Variants in PRUNE2 observed in about 807,000 individuals in gnomAD.
PRUNE2 encodes prune homolog 2 with BCH domain.
Under a neutral mutation model 252.0 loss-of-function variants are expected in PRUNE2, and 164 were observed. The observed-to-expected ratio is 0.65, with a 90% CI of 0.57 to 0.74. The LOEUF (loss-of-function observed/expected upper bound fraction) is 0.74, where lower values mean the gene tolerates loss of function less well. Ranked by LOEUF, PRUNE2 falls within the 30% of genes least tolerant of loss-of-function variation. The probability of loss-of-function intolerance (pLI) is 0.00; values close to 1 mark genes in which losing one functional copy is unlikely to be tolerated. For missense variants in PRUNE2, 3,495 were observed against 3,711.0 expected (o/e 0.94, Z 1.51); for synonymous variants, 1,292 against 1,350.2 (o/e 0.96, Z 0.94).
At chr9:76,867,079 T>C (rs2060886651) in intron 1 of PRUNE2, among the ~76,000 whole-genome samples, 1 of 152,158 alleles carries the variant, frequency 6.6e-6, no homozygotes, top group African/African-American at 2.4e-5. Context: ...TCTGAGTTCC[T>C]GGGCAGCTAT....
intron 1 of PRUNE2, among the ~76,000 whole-genome samples, chr9:76,890,012 G>A (rs2062370149): frequency 6.6e-6 from 1 of 152,182 alleles, no homozygotes; most frequent in Admixed American, 6.5e-5. Flanking sequence ...GAGCGCTGCC[G>A]GAATGACCAC....
At chr9:76,658,879 G>C (rs1158814939) in intron 9 of PRUNE2, among the ~76,000 whole-genome samples, 1 of 152,260 alleles carries the variant, frequency 6.6e-6, no homozygotes, top group African/African-American at 2.4e-5. Flanking sequence ...TCTTCACCAA[G>C]TATTTCTGGC....
intron 9 of PRUNE2, among the ~76,000 whole-genome samples, chr9:76,682,839 A>T (rs1219294326): frequency 4.2e-5 from 4 of 95,512 alleles, no homozygotes; most frequent in African/African-American, 1.0e-4. Flanking sequence ...AAATATTCAA[A>T]TTTTTCTTTT....
chr9:76,729,682 T>A (rs1348862499), intron 6 of PRUNE2, among the ~76,000 whole-genome samples: 1 of 152,150 alleles, frequency 6.6e-6, no homozygotes, highest in Non-Finnish European at 1.5e-5. Context: ...AATAAAACGA[T>A]CTTATTTGAA....
Position 76,708,313 on chromosome 9 carries a change from C to T in PRUNE2, c.3961G>A (p.Asp1321Asn), listed in dbSNP as rs376053448. The change falls in exon 8 of 19, where the codon GAT becomes AAT. Residue 1321 changes from aspartate to asparagine, a missense_variant. Asp to Asn is a conservative substitution (Grantham distance 23, BLOSUM62 1). Transcript: ENST00000376718. The part of the protein sequence containing the change: ...PHPDPWKGHG[D>N]GQSESEKEAQ... ...TCCTTCTCACTTTCACTTTGTCCAT[C>T]GCCATGACCTTTCCATGGATCTGGG... is the stretch of plus-strand genomic sequence containing the variant. 3.9e-5 allele frequency: 63 copies of T among 1,613,664 alleles called. No homozygotes were observed. Among genetic ancestry groups the T allele is most frequent in the Non-Finnish European group, 4.8e-5 (57 of 1,179,890 alleles).
intron 6 of PRUNE2, among the ~76,000 whole-genome samples, chr9:76,774,687 G>A (rs1054546103): frequency 9.2e-5 from 14 of 151,918 alleles, no homozygotes; most frequent in African/African-American, 1.7e-4. Context: ...TCGAATTCCC[G>A]ACCTCAGGTG....
intron 18 of PRUNE2, among the ~76,000 whole-genome samples, chr9:76,615,864 G>C (rs1829344781): frequency 7.2e-6 from 1 of 139,550 alleles, no homozygotes; most frequent in Admixed American, 8.0e-5. Context: ...CCGTCTCCTA[G>C]ATTCAAGCGA....
intron 1 of PRUNE2, among the ~76,000 whole-genome samples, chr9:76,895,645 C>T (rs1014344215): frequency 1.3e-5 from 2 of 152,146 alleles, no homozygotes; most frequent in African/African-American, 4.8e-5. Context: ...TCTTTAGGGT[C>T]ATTACTATGA....
At chr9:76,767,056 A>G (rs548070348) in intron 6 of PRUNE2, among the ~76,000 whole-genome samples, 1 of 152,288 alleles carries the variant, frequency 6.6e-6, no homozygotes, top group Non-Finnish European at 1.5e-5. Context: ...ATTCTGGTAT[A>G]GCGTCTCCAA....
chr9:76,615,301 C>CAACT, intron 18 of PRUNE2: 1 of 910,022 alleles, frequency 1.1e-6, no homozygotes, highest in Non-Finnish European at 1.3e-6. Flanking sequence ...ATTTCAGTTG[C>CAACT]GATAAAAGAG....
intron 18 of PRUNE2, 66 bp from the exon 19 acceptor site, chr9:76,614,666 G>C: frequency 8.2e-7 from 1 of 1,225,354 alleles, no homozygotes. Flanking sequence ...GTAATGATTT[G>C]GGTAGCACTG....
At chr9:76,866,145 G>T (rs375133389) in intron 1 of PRUNE2, among the ~76,000 whole-genome samples, 25 of 152,174 alleles carry the variant, frequency 1.6e-4, no homozygotes, top group African/African-American at 4.8e-4. Flanking sequence ...ACATCCAGCA[G>T]GCCCAATCCT....
Position 76,834,590 on chromosome 9 carries a change from A to G in PRUNE2, c.509-7858T>C, listed in dbSNP as rs147399443. 2.5e-3 allele frequency among the ~76,000 whole-genome samples: 384 copies of G among 152,326 alleles called. 1 individual carries two copies. The Middle Eastern group carries it at 0.027, about 11-fold the overall frequency. ...CATAAAATGGAAAGGCAGTATTAAG[A>G]AATTAACCTAACAGATATTACATTA... On this transcript the variant is annotated intron_variant, in intron 4 of 18. Coordinates refer to ENST00000376718, the MANE Select transcript of PRUNE2 (RefSeq NM_015225.3).
chr9:76,904,048 T>C (rs1448196886), intron 1 of PRUNE2, among the ~76,000 whole-genome samples: 1 of 152,194 alleles, frequency 6.6e-6, no homozygotes, highest in Non-Finnish European at 1.5e-5. Context: ...ACCTAGAAAA[T>C]GTAACTTCTC....
chr9:76,707,265 G>A lies in PRUNE2; in HGVS notation c.5009C>T (p.Ser1670Phe), dbSNP rs368809290. 5 of 1,613,842 alleles carry A rather than the reference G, an allele frequency of 3.1e-6. No homozygotes were observed. Among genetic ancestry groups the A allele is most frequent in the Non-Finnish European group, 4.2e-6 (5 of 1,179,888 alleles). Residue 1670 changes from serine (S) to phenylalanine (F), a missense_variant, in exon 8 of 19, where the codon TCT (serine) becomes TTT (phenylalanine). Ser to Phe is a radical substitution (Grantham distance 155). Transcript: ENST00000376718. ...GGCATCCTCTGGCTGCACAGTTGCA[G>A]AAATGTCATGTTCATTTTTCTCCTG... ...SYQEKNEHDI[S>F]ATVQPEDARV...
intron 15 of PRUNE2, among the ~76,000 whole-genome samples, chr9:76,630,243 G>A (rs1836917344): frequency 7.0e-6 from 1 of 142,234 alleles, no homozygotes; most frequent in Admixed American, 6.9e-5. Flanking sequence ...TTTTTTTTTA[G>A]TTTATTTTAA....
At chr9:76,804,372 A>G (rs1417798970) in intron 6 of PRUNE2, among the ~76,000 whole-genome samples, 1 of 151,968 alleles carries the variant, frequency 6.6e-6, no homozygotes, top group Non-Finnish European at 1.5e-5. Context: ...TCTCTTTTCT[A>G]TTTCCAAATT....
chr9:76,763,127 T>G (rs1347721509), intron 6 of PRUNE2, among the ~76,000 whole-genome samples: 3 of 152,184 alleles, frequency 2.0e-5, no homozygotes, highest in Non-Finnish European at 4.4e-5. Flanking sequence ...GACTGAGGTC[T>G]TCTTCTGGTC....
chr9:76,848,926 G>A (rs1380688400), intron 3 of PRUNE2, among the ~76,000 whole-genome samples: 1 of 152,044 alleles, frequency 6.6e-6, no homozygotes, highest in Non-Finnish European at 1.5e-5. Context: ...GCAGGGTCTC[G>A]CTCTGTCATC....
Sources: allele counts gnomAD v4.1 joint callset (sites outside exome capture counted in the v4.1 genomes callset), GRCh38; gene constraint gnomAD v4.1.1; transcripts MANE v1.5; gene names NCBI Gene and HGNC (gene_info 2026-07-23, HGNC 2026-07-21).